RBBP8: variants seen among roughly 807,000 people sequenced by gnomAD.
RBBP8 encodes the protein DNA endonuclease RBBP8.
RBBP8 carries 88 observed loss-of-function variants against 108.3 expected under a neutral mutation model. The ratio of observed to expected loss-of-function variants is 0.81; its 90% CI spans 0.68 to 0.97. The LOEUF (loss-of-function observed/expected upper bound fraction) is 0.97. RBBP8 is among the 50% of genes least tolerant of loss of function. The pLI, the probability that RBBP8 is intolerant of heterozygous loss-of-function variation, is 0.00. For synonymous variants in RBBP8, 332 were observed against 348.2 expected, an observed-to-expected ratio of 0.95 and a Z score of 0.52; for missense variants, 1,023 against 1,049.0, an observed-to-expected ratio of 0.98 and a Z score of 0.34.
intron 3 of RBBP8, among the ~76,000 whole-genome samples, chr18:22,920,218 C>T (rs534453952): frequency 1.3e-5 from 2 of 152,144 alleles, no homozygotes; most frequent in South Asian, 4.2e-4. Context: ...CACTTGATCC[C>T]AAGAGATCAA....
intron 16 of RBBP8, among the ~76,000 whole-genome samples, chr18:23,007,692 C>T (rs1361376998): frequency 1.2e-4 from 14 of 112,736 alleles, no homozygotes; most frequent in African/African-American, 3.7e-4. Flanking sequence ...AGCGAGACTC[C>T]GTCTCAGAAA....
intron 5 of RBBP8, among the ~76,000 whole-genome samples, chr18:22,970,207 AT>A (rs1024775234): frequency 2.6e-5 from 4 of 151,664 alleles, no homozygotes; most frequent in African/African-American, 4.8e-5. Flanking sequence ...ACTTTGTAGA[AT>A]TTTTTTTTCC....
chr18:23,008,857 T>C (rs1202020476), intron 16 of RBBP8, among the ~76,000 whole-genome samples: 2 of 141,980 alleles, frequency 1.4e-5, no homozygotes, highest in Non-Finnish European at 3.0e-5. Flanking sequence ...CACTGCAAGC[T>C]CTGCCTCCTG....
At chr18:22,980,892 T>C (rs1044679409) in intron 6 of RBBP8, among the ~76,000 whole-genome samples, 3 of 151,118 alleles carry the variant, frequency 2.0e-5, no homozygotes, top group African/African-American at 7.3e-5. Context: ...TTTTTTAATA[T>C]ATTTGTACGT....
intron 16 of RBBP8, among the ~76,000 whole-genome samples, chr18:23,006,951 T>C (rs563418237): frequency 1.9e-4 from 29 of 152,102 alleles, no homozygotes; most frequent in African/African-American, 7.0e-4. Context: ...CCATCACCTT[T>C]TTTTGGCAGT....
intron 8 of RBBP8, among the ~76,000 whole-genome samples, chr18:22,985,767 G>A (rs1477946540): frequency 6.6e-6 from 1 of 152,070 alleles, no homozygotes; most frequent in African/African-American, 2.4e-5. Flanking sequence ...GTAGATGTGA[G>A]TTAGAATTTA....
intron 8 of RBBP8, among the ~76,000 whole-genome samples, chr18:22,988,868 A>T (rs981576267): frequency 7.2e-5 from 11 of 152,348 alleles, no homozygotes; most frequent in African/African-American, 2.6e-4. Context: ...AGAGAGCGTA[A>T]ATATAGTTTG....
At chr18:22,928,225 C>T (rs1048816838) in intron 3 of RBBP8, among the ~76,000 whole-genome samples, 14 of 149,264 alleles carry the variant, frequency 9.4e-5, no homozygotes, top group African/African-American at 1.2e-4. Context: ...AGTAGGAAAA[C>T]AGAAGAATAA....
At chr18:23,001,169 C>G (rs1454110479) in intron 14 of RBBP8, among the ~76,000 whole-genome samples, 3 of 152,218 alleles carry the variant, frequency 2.0e-5, no homozygotes, top group Admixed American at 2.0e-4. Flanking sequence ...ACACTCTTAA[C>G]AAGACAGCTT....
chr18:22,979,697 A>G lies in RBBP8; in HGVS notation c.429-2521A>G, dbSNP rs114284917. ...GGGAAAGTCAATTAACTTTATTTTTACTCAACATTCACAATTCAATTCAAA... is the reference window on the plus strand; with the variant it reads ...GGGAAAGTCAATTAACTTTATTTTTGCTCAACATTCACAATTCAATTCAAA... On this transcript the variant is annotated intron_variant, in intron 6 of 18. Transcript: ENST00000327155. Among the ~76,000 whole-genome samples, 836 of 152,322 alleles carry G rather than the reference A, an allele frequency of 5.5e-3. 6 individuals are homozygous for G. Among genetic ancestry groups the G allele is most frequent in the African/African-American group, 0.02 (812 of 41,566 alleles).
At chr18:22,987,979 A>G (rs1472149850) in intron 8 of RBBP8, among the ~76,000 whole-genome samples, 3 of 152,172 alleles carry the variant, frequency 2.0e-5, no homozygotes, top group South Asian at 2.1e-4. Context: ...TGCATTTGCA[A>G]TCTCAGTGAA....
intron 5 of RBBP8, among the ~76,000 whole-genome samples, chr18:22,971,488 C>T (rs928402890): frequency 1.3e-5 from 2 of 152,124 alleles, no homozygotes; most frequent in South Asian, 4.1e-4. Flanking sequence ...GTGCTGTGGC[C>T]TTCTAGTAGA....
chr18:23,010,013 G>T (rs1040717146), intron 16 of RBBP8, among the ~76,000 whole-genome samples: 9 of 152,188 alleles, frequency 5.9e-5, no homozygotes, highest in African/African-American at 2.2e-4. Context: ...GCCTGCCTTG[G>T]CCTCCCAAAG....
At chr18:22,949,572 T>G (rs773806723) in intron 3 of RBBP8, 46 bp from the exon 4 acceptor site, 3 of 1,335,096 alleles carry the variant, frequency 2.2e-6, no homozygotes, top group Non-Finnish European at 2.1e-6. Context: ...ATTATCCTGT[T>G]AAGAGTATTT....
rs1349929041 is a variant in RBBP8, at chr18:23,026,231, G to T, written c.2685G>T (p.Gln895His). The change falls in exon 19 of 19, where the codon CAG becomes CAT. Residue 895 changes from glutamine (Q) to histidine (H), a missense_variant. Transcript: ENST00000327155. ...NAIFSPKGKEQKT is the reference protein window; with the variant it reads ...NAIFSPKGKEHKT ...TATTTTCTCCAAAAGGCAAGGAGCA[G>T]AAGACATAGACGTTGAAACAGAAAC... 6.2e-7 allele frequency: 1 copy of T among 1,613,000 alleles called. No individual in the cohort carries two copies. The highest frequency in any genetic ancestry group is 8.5e-7 in the Non-Finnish European group (1 of 1,179,112).
At chr18:22,942,581 A>G (rs1277965462) in intron 2 of RBBP8, among the ~76,000 whole-genome samples, 3 of 152,088 alleles carry the variant, frequency 2.0e-5, no homozygotes, top group African/African-American at 7.3e-5. Context: ...TCATGATTGT[A>G]TCATTTCATG....
At chr18:22,979,398 G>C (rs74556427) in intron 6 of RBBP8, among the ~76,000 whole-genome samples, 3,890 of 151,974 alleles carry the variant, frequency 0.026, 371 homozygotes, top group East Asian at 0.19. Flanking sequence ...ATAAAATGTA[G>C]GATTAAAGCC....
chr18:22,953,752 T>C (rs922631952), intron 4 of RBBP8, among the ~76,000 whole-genome samples: 1 of 151,980 alleles, frequency 6.6e-6, no homozygotes. Flanking sequence ...TTTATTTTTA[T>C]TTTTCCCTGT....
At chr18:22,924,281 AC>A (rs1909711118) in intron 3 of RBBP8, among the ~76,000 whole-genome samples, 1 of 150,244 alleles carries the variant, frequency 6.7e-6, no homozygotes, top group South Asian at 2.1e-4. Flanking sequence ...GGTGCACACC[AC>A]CACACCTGGC....
Sources: allele counts gnomAD v4.1 joint callset (sites outside exome capture counted in the v4.1 genomes callset), GRCh38; gene constraint gnomAD v4.1.1; transcripts MANE v1.5; gene names NCBI Gene and HGNC (gene_info 2026-07-23, HGNC 2026-07-21).